Variants in CPED1 observed in about 807,000 individuals in gnomAD.
CPED1 encodes the protein cadherin like and PC-esterase domain containing 1, also known as cadherin-like and PC-esterase domain-containing protein 1.
In CPED1, 114 loss-of-function variants were observed where a neutral mutation model predicts 128.2. The ratio of observed to expected loss-of-function variants is 0.89; its 90% CI spans 0.76 to 1.04. The LOEUF (loss-of-function observed/expected upper bound fraction) is 1.04, where lower values mean the gene tolerates loss of function less well. Ranked by LOEUF, CPED1 falls within the 50% of genes least tolerant of loss-of-function variation. The pLI, the probability that CPED1 is intolerant of heterozygous loss-of-function variation, is 0.00. For missense variants in CPED1, 1,211 were observed against 1,207.1 expected (o/e 1.00, Z -0.05); for synonymous variants, 462 against 426.7 (o/e 1.08, Z -1.02).
intron 16 of CPED1, among the ~76,000 whole-genome samples, chr7:121,172,838 G>A (rs919984296): frequency 1.1e-4 from 16 of 152,282 alleles, no homozygotes; most frequent in Admixed American, 8.5e-4. Flanking sequence ...CTCAATGTAA[G>A]GACAGAGCCA....
chr7:121,008,623 T>C (rs796548740), intron 2 of CPED1, among the ~76,000 whole-genome samples: 9 of 152,182 alleles, frequency 5.9e-5, no homozygotes, highest in African/African-American at 1.9e-4. Context: ...TTGGATTAAT[T>C]TGGATTAATC....
chr7:121,206,810 A>T (rs1253387165), intron 16 of CPED1, among the ~76,000 whole-genome samples: 1 of 151,996 alleles, frequency 6.6e-6, no homozygotes, highest in Non-Finnish European at 1.5e-5. Context: ...CACTTAAAAA[A>T]AACATGTAAA....
At chr7:121,212,515 G>T (rs948290468) in intron 16 of CPED1, among the ~76,000 whole-genome samples, 2 of 151,926 alleles carry the variant, frequency 1.3e-5, no homozygotes, top group Non-Finnish European at 2.9e-5. Flanking sequence ...AAAGCATCTC[G>T]AGTTGACCAT....
intron 17 of CPED1, among the ~76,000 whole-genome samples, chr7:121,241,392 A>AT (rs1419546283): frequency 7.1e-6 from 1 of 141,824 alleles, no homozygotes. Context: ...AAAAGAAATT[A>AT]TAAAACAGAA....
At chr7:121,073,330 A>C (rs1238774287) in intron 5 of CPED1, among the ~76,000 whole-genome samples, 3 of 152,080 alleles carry the variant, frequency 2.0e-5, no homozygotes, top group African/African-American at 7.2e-5. Flanking sequence ...GATTGAGGAG[A>C]TGGAAAAAGA....
intron 16 of CPED1, among the ~76,000 whole-genome samples, chr7:121,218,637 A>G (rs978362394): frequency 1.2e-4 from 18 of 152,016 alleles, no homozygotes; most frequent in African/African-American, 4.3e-4. Context: ...AGTTTTACTC[A>G]TAAGTGGGAG....
At chr7:121,017,374 A>G (rs768159248) in intron 3 of CPED1, among the ~76,000 whole-genome samples, 2 of 152,188 alleles carry the variant, frequency 1.3e-5, no homozygotes, top group Non-Finnish European at 2.9e-5. Flanking sequence ...TGTAAGACCA[A>G]TCTAGAGTCC....
rs892853119 is a variant in CPED1 at position 121,157,605 on chromosome 7, A to G, written c.2055+15464A>G. On this transcript the variant is annotated intron_variant, in intron 16 of 22. Coordinates refer to ENST00000310396, the MANE Select transcript of CPED1 (RefSeq NM_024913.5). Reference sequence around the variant, plus strand: ...TTTGACATCTAACACCTCACCCTGCATATCAGTAAACCTCAATAATTTGCC... The same window carrying G: ...TTTGACATCTAACACCTCACCCTGCGTATCAGTAAACCTCAATAATTTGCC... 2.6e-4 allele frequency among the ~76,000 whole-genome samples: 39 copies of G among 152,278 alleles called. 1 individual carries two copies. The highest frequency in any genetic ancestry group is 8.7e-4 in the African/African-American group (36 of 41,554).
chr7:121,123,416 C>A (rs1304795456), intron 7 of CPED1, among the ~76,000 whole-genome samples: 2 of 151,828 alleles, frequency 1.3e-5, no homozygotes, highest in Non-Finnish European at 2.9e-5. Context: ...TCTGTTTTTC[C>A]AAAAAACATT....
At chr7:121,051,250 T>G in intron 4 of CPED1, 1 of 472,928 alleles carries the variant, frequency 2.1e-6, no homozygotes, top group Non-Finnish European at 4.2e-6. Context: ...ACTCCCCTCT[T>G]GTACAATCCA....
chr7:121,050,954 A>T, intron 4 of CPED1: 1 of 500,980 alleles, frequency 2.0e-6, no homozygotes, highest in Non-Finnish European at 4.1e-6. Flanking sequence ...GAAGAGCCCA[A>T]GAGGAGATTG....
chr7:121,236,838 A>G lies in CPED1; in HGVS notation c.2173+7A>G. 2.2e-6 allele frequency: 3 copies of G among 1,377,274 alleles called. No homozygotes were observed. The highest frequency in any genetic ancestry group is 1.9e-5 in the Admixed American group (1 of 53,474). 85.3% of individuals were successfully genotyped at this position (1,377,274 alleles called of 1,614,324 possible). On this transcript the variant is annotated splice_region_variant and intron_variant, in intron 17 of 22. Coordinates refer to ENST00000310396, the MANE Select transcript of CPED1 (RefSeq NM_024913.5). ...CCATCTGGGGACATGAAAGGTGACT[A>G]TCACATTGGATATCACTTCTCTAAA...
intron 3 of CPED1, among the ~76,000 whole-genome samples, chr7:121,018,269 G>A (rs778937923): frequency 5.3e-5 from 8 of 152,030 alleles, no homozygotes; most frequent in Non-Finnish European, 1.0e-4. Context: ...TTTGAATTGA[G>A]GCACTTGCTA....
chr7:120,990,296 A>G (rs775410061), intron 2 of CPED1, among the ~76,000 whole-genome samples: 4 of 152,206 alleles, frequency 2.6e-5, no homozygotes, highest in African/African-American at 4.8e-5. Flanking sequence ...AGACTCAAAG[A>G]TTCTCCAAAG....
chr7:121,115,267 C>T (rs1020102568), intron 7 of CPED1, among the ~76,000 whole-genome samples: 2 of 151,900 alleles, frequency 1.3e-5, no homozygotes, highest in Non-Finnish European at 2.9e-5. Context: ...TGAAAATAGC[C>T]CATGTAAAAG....
intron 16 of CPED1, among the ~76,000 whole-genome samples, chr7:121,165,032 A>G (rs1413834211): frequency 6.6e-6 from 1 of 152,120 alleles, no homozygotes; most frequent in Non-Finnish European, 1.5e-5. Flanking sequence ...ACTCTCTGAA[A>G]TTTTAAAATT....
chr7:121,025,520 A>G (rs1792554316), intron 3 of CPED1, among the ~76,000 whole-genome samples: 1 of 151,868 alleles, frequency 6.6e-6, no homozygotes, highest in Admixed American at 6.6e-5. Flanking sequence ...CTTTTTTCTT[A>G]CTCTAGCAGT....
chr7:121,006,618 G>GA (rs1000467524), intron 2 of CPED1, among the ~76,000 whole-genome samples: 62 of 145,086 alleles, frequency 4.3e-4, no homozygotes, highest in East Asian at 4.0e-3. Flanking sequence ...GTCAAAAAAG[G>GA]AAAAAAAAAA....
At chr7:121,187,292 C>G (rs1202217315) in intron 16 of CPED1, among the ~76,000 whole-genome samples, 1 of 152,124 alleles carries the variant, frequency 6.6e-6, no homozygotes, top group African/African-American at 2.4e-5. Flanking sequence ...GTATTTCAAC[C>G]AAGAGGAAGC....
Sources: allele counts gnomAD v4.1 joint callset (sites outside exome capture counted in the v4.1 genomes callset), GRCh38; gene constraint gnomAD v4.1.1; transcripts MANE v1.5; gene names NCBI Gene and HGNC (gene_info 2026-07-23, HGNC 2026-07-21).